Variants in MLXIP observed in about 807,000 individuals in gnomAD.
MLXIP encodes MLX interacting protein, also known as MLX-interacting protein.
MLXIP carries 30 observed loss-of-function variants against 87.2 expected under a neutral mutation model. The ratio of observed to expected loss-of-function variants is 0.34; its 90% confidence interval spans 0.26 to 0.47. MLXIP has a LOEUF of 0.47. MLXIP is among the 20% of genes least tolerant of loss of function. The pLI is 1.00. For synonymous variants in MLXIP, 530 were observed against 514.0 expected, an observed-to-expected ratio of 1.03 and a Z score of -0.42; for missense variants, 1,002 against 1,240.1, an observed-to-expected ratio of 0.81 and a Z score of 2.88.
In MLXIP at chr12:122,078,783, G is replaced by A; in HGVS notation, c.-71G>A. 1 of 1,018,436 alleles carries A rather than the reference G, an allele frequency of 9.8e-7. No homozygotes were observed. The highest frequency in any genetic ancestry group is 1.2e-6 in the Non-Finnish European group (1 of 853,358). The allele number at this position is 1,018,436 out of a possible 1,614,324, so 63.1% of individuals were successfully genotyped here. A position where few individuals can be genotyped will look rare whatever the true frequency, so the allele number is the denominator to read the frequency against. On this transcript the variant is annotated 5_prime_UTR_variant, in exon 1 of 17. Transcript: ENST00000319080. ...TCGGCGCGCGGGCCGGGCCGGGCCG[G>A]CGCCCCTCTGCCTCGCGCGCTTGTC...
intron 1 of MLXIP, among the ~76,000 whole-genome samples, chr12:122,111,654 C>G (rs1211434260): frequency 6.6e-6 from 1 of 152,042 alleles, no homozygotes; most frequent in African/African-American, 2.4e-5. Flanking sequence ...GAGGATAGTG[C>G]TTGTGTTTGA....
At chr12:122,130,230 G>A in intron 6 of MLXIP, 118 bp downstream of exon 6, 1 of 1,072,994 alleles carries the variant, frequency 9.3e-7, no homozygotes, top group Non-Finnish European at 1.3e-6. Context: ...CACGGTTGGG[G>A]GCAGGCAGTA....
chr12:122,123,139 C>CTGG lies in MLXIP; in HGVS notation c.414-4117_414-4116insTGG, dbSNP rs1218802862. Among the ~76,000 whole-genome samples the CTGG allele has an allele frequency of 5.9e-5, 9 of 152,274 alleles. No individual in the cohort carries two copies. The East Asian group carries it at 1.7e-3, about 29-fold the overall frequency. On this transcript the variant is annotated intron_variant, in intron 1 of 16. Coordinates refer to ENST00000319080, the MANE Select transcript of MLXIP (RefSeq NM_014938.6). ...TCTGCCAGGCCCATCAGGAGCCTGC[C>CTGG]CAGGGTTTCTGGGCATGAGTCGTCC...
At chr12:122,127,811 G>A in intron 2 of MLXIP, 72 bp from the exon 3 acceptor site, 1 of 1,219,066 alleles carries the variant, frequency 8.2e-7, no homozygotes. Flanking sequence ...TAGGGGAGGG[G>A]TGCAGCAGAC....
intron 1 of MLXIP, among the ~76,000 whole-genome samples, chr12:122,108,367 CA>C (rs61424369): frequency 0.46 from 37,285 of 80,434 alleles, 5,059 homozygotes; most frequent in Middle Eastern, 0.61. Flanking sequence ...GACTCCATCT[CA>C]AAAAAAAAAA....
chr12:122,108,776 T>C (rs1222117462), intron 1 of MLXIP, among the ~76,000 whole-genome samples: 1 of 152,178 alleles, frequency 6.6e-6, no homozygotes, highest in Non-Finnish European at 1.5e-5. Context: ...TGCCCATCAC[T>C]GTCTAGGCAG....
At chr12:122,132,479 A>C (rs1952998904) in intron 8 of MLXIP, 96 bp downstream of exon 8, 1 of 953,256 alleles carries the variant, frequency 1.0e-6, no homozygotes, top group East Asian at 2.6e-5. Flanking sequence ...TGGCATAGCC[A>C]CACAGTCACC....
At chr12:122,080,031 C>T (rs757363499) in intron 1 of MLXIP, among the ~76,000 whole-genome samples, 4 of 152,188 alleles carry the variant, frequency 2.6e-5, no homozygotes, top group Non-Finnish European at 5.9e-5. Flanking sequence ...TCCCAGACAC[C>T]GTTCTGACAT....
rs906318018 is a variant in MLXIP, at chr12:122,145,517, C to A, written c.*3705C>A. ...GGGGCTTACACACCCACCTCATCTC[C>A]GTGCACAGCCATGACTGGCCCTGCC... On this transcript the variant is annotated 3_prime_UTR_variant, in exon 17 of 17. Transcript: ENST00000319080. 1 of 152,338 alleles carries A rather than the reference C, an allele frequency of 6.6e-6. No individual in the cohort carries two copies. Among genetic ancestry groups the A allele is most frequent in the Non-Finnish European group, 1.5e-5 (1 of 68,144 alleles). 9.4% of individuals were successfully genotyped at this position (152,338 alleles called of 1,614,324 possible). A position where few individuals can be genotyped will look rare whatever the true frequency, so the allele number is the denominator to read the frequency against.
chr12:122,129,995 C>A lies in MLXIP; in HGVS notation c.793C>A (p.Pro265Thr), dbSNP rs761889104. 6.2e-7 allele frequency: 1 copy of A among 1,614,026 alleles called. No individual in the cohort carries two copies. The highest frequency in any genetic ancestry group is 1.7e-5 in the Admixed American group (1 of 60,022). ...KHGDGWKTPV[P>T]MEEDPLLDTD... is the part of the protein sequence containing the mutation. ...CGGGGATGGATGGAAGACCCCCGTC[C>A]CCATGGAGGAGGATCCCCTGCTGGA... Residue 265 changes from proline to threonine, a missense_variant, in exon 6 of 17, where the codon CCC becomes ACC. Pro to Thr is a conservative substitution (Grantham distance 38). This residue lies in a region of MLXIP where 746 missense variants were observed against 897.0 expected (regional missense o/e 0.83). Transcript: ENST00000319080.
In MLXIP at chr12:122,079,114, G is replaced by T. The variant is rs1282323169; in HGVS notation, c.261G>T (p.Pro87=). Reference sequence around the variant, plus strand: ...GCGGCCACTTCATGGTGTCGTCGCCGCACCGAGAGCACCCGCCCAAGAAGG... The same window carrying T: ...GCGGCCACTTCATGGTGTCGTCGCCTCACCGAGAGCACCCGCCCAAGAAGG... ...IHSGHFMVSS[P]HREHPPKKGY... The change falls in exon 1 of 17, where the codon CCG becomes CCT. Residue 87 remains proline, a synonymous_variant. Coordinates refer to ENST00000319080, the MANE Select transcript of MLXIP (RefSeq NM_014938.6). 3.2e-6 allele frequency: 5 copies of T among 1,544,954 alleles called. No homozygotes were observed. Among genetic ancestry groups the T allele is most frequent in the Non-Finnish European group, 4.4e-6 (5 of 1,145,066 alleles).
At position 122,113,681 on chromosome 12, in the gene MLXIP, C is replaced by CTTTTTTTTTT. The variant is rs1173711241; in HGVS notation, c.414-13563_414-13554dup. On this transcript the variant is annotated intron_variant, in intron 1 of 16. Transcript: ENST00000319080. ...ACAGTCCATATAACTGCCTTCATTTCTTTTTTTTTTTTTTTTTTTTTGAGA... is the reference window on the plus strand; with the variant it reads ...ACAGTCCATATAACTGCCTTCATTTCTTTTTTTTTTTTTTTTTTTTTTTTTTTTTTTGAGA... Among the ~76,000 whole-genome samples, 408 of 100,686 alleles carry CTTTTTTTTTT rather than the reference C, an allele frequency of 4.1e-3. 17 individuals are homozygous for CTTTTTTTTTT. The highest frequency in any genetic ancestry group is 0.01 in the Middle Eastern group (1 of 96). 66.1% of individuals were successfully genotyped at this position (100,686 alleles called of 152,430 possible). A position where few individuals can be genotyped will look rare whatever the true frequency, so the allele number is the denominator to read the frequency against.
chr12:122,123,651 C>T (rs1406166196), intron 1 of MLXIP, among the ~76,000 whole-genome samples: 5 of 152,200 alleles, frequency 3.3e-5, no homozygotes, highest in African/African-American at 1.2e-4. Flanking sequence ...TGCCCTCCAG[C>T]TTTGTCTGCT....
chr12:122,137,381 C>T lies in MLXIP; in HGVS notation c.2033-88C>T. The T allele has an allele frequency of 6.7e-7, 1 of 1,485,748 alleles. No homozygotes were observed. Among genetic ancestry groups the T allele is most frequent in the Non-Finnish European group, 9.0e-7 (1 of 1,107,212 alleles). 92.0% of individuals were successfully genotyped at this position (1,485,748 alleles called of 1,614,324 possible). The stretch of plus-strand genomic sequence containing the variant: ...TGCAATACGTGGCTAGCAGCGAGCA[C>T]CTCATAACCCTGCAGAGACCCCAGG... On this transcript the variant is annotated intron_variant, in intron 11 of 16. Transcript: ENST00000319080. This position sits in a 1 kb window ranked among gnomAD's most constrained non-coding sequence, Gnocchi z 4.1.
rs776711992 is a variant in MLXIP at position 122,133,501 on chromosome 12, G to C, written c.1246G>C (p.Gly416Arg). Residue 416 changes from glycine to arginine, a missense_variant, in exon 9 of 17, where the codon GGT becomes CGT. Gly to Arg is a moderately radical substitution (Grantham distance 125, BLOSUM62 -2). This residue lies in a region of MLXIP where 746 missense variants were observed against 897.0 expected (regional missense o/e 0.83). Coordinates refer to ENST00000319080, the MANE Select transcript of MLXIP (RefSeq NM_014938.6). This position sits in a 1 kb window ranked among gnomAD's most constrained non-coding sequence, Gnocchi z 4.9. ...EDPFIQPTDFGPSEPPLSVPQ... is the reference protein window; with the variant it reads ...EDPFIQPTDFRPSEPPLSVPQ... ...CCCGTTTATCCAGCCCACGGACTTC[G>C]GTCCCTCAGAGCCGCCACTGAGTGT... The C allele has an allele frequency of 1.9e-6, 3 of 1,611,636 alleles. No individual in the cohort carries two copies. Among genetic ancestry groups the C allele is most frequent in the African/African-American group, 2.7e-5 (2 of 74,718 alleles).
chr12:122,109,130 A>G (rs1413233133), intron 1 of MLXIP, among the ~76,000 whole-genome samples: 1 of 152,174 alleles, frequency 6.6e-6, no homozygotes, highest in African/African-American at 2.4e-5. Flanking sequence ...ATGGGGTTTC[A>G]CCATGTTGGC....
intron 1 of MLXIP, among the ~76,000 whole-genome samples, chr12:122,112,216 C>T (rs1034034853): frequency 2.6e-5 from 4 of 152,064 alleles, no homozygotes; most frequent in South Asian, 2.1e-4. Flanking sequence ...AGAGAAGTGT[C>T]GTAAGTCATT....
Position 122,142,796 on chromosome 12 carries a change from GA to G in MLXIP, c.*985del, listed in dbSNP as rs1953232764. ...AAACCAGGACAGTTCTCGGACCAAA[GA>G]TGCCCCCACACTCAAAAGTCTGTCC... On this transcript the variant is annotated 3_prime_UTR_variant, in exon 17 of 17. Coordinates refer to ENST00000319080, the MANE Select transcript of MLXIP (RefSeq NM_014938.6). 6.2e-6 allele frequency: 1 copy of G among 162,486 alleles called. No homozygotes were observed. The highest frequency in any genetic ancestry group is 1.4e-5 in the Non-Finnish European group (1 of 73,834). The allele number at this position is 162,486 out of a possible 1,614,324, so 10.1% of individuals were successfully genotyped here. A position where few individuals can be genotyped will look rare whatever the true frequency, so the allele number is the denominator to read the frequency against.
In MLXIP at chr12:122,078,816, C is replaced by T. The variant is rs1439540021; in HGVS notation, c.-38C>T. 3 of 1,041,894 alleles carry T rather than the reference C, an allele frequency of 2.9e-6. No individual in the cohort carries two copies. Among genetic ancestry groups the T allele is most frequent in the Non-Finnish European group, 2.3e-6 (2 of 867,546 alleles). The allele number at this position is 1,041,894 out of a possible 1,614,324, so 64.5% of individuals were successfully genotyped here. Reference sequence around the variant, plus strand: ...CTGCCTCGCGCGCTTGTCGCGTTGCCCCGGGCTCCGGGGGATGCCCCCGGC... The same window carrying T: ...CTGCCTCGCGCGCTTGTCGCGTTGCTCCGGGCTCCGGGGGATGCCCCCGGC... On this transcript the variant is annotated 5_prime_UTR_variant, in exon 1 of 17. Coordinates refer to ENST00000319080, the MANE Select transcript of MLXIP (RefSeq NM_014938.6).
Sources: gnomAD v4.1 joint callset for allele counts (sites outside exome capture counted in the v4.1 genomes callset) on GRCh38, gnomAD v4.1.1 for gene constraint, gnomAD v4.1.1 regional missense constraint, Gnocchi (gnomAD v3.1) non-coding constraint, MANE v1.5 for transcripts, NCBI Gene and HGNC (gene_info 2026-07-23, HGNC 2026-07-21) for gene names.